The following AGAP5 variants were observed in gnomAD, a reference collection of about 807,000 sequenced individuals.
The protein encoded by AGAP5 is ArfGAP with GTPase domain, ankyrin repeat and PH domain 5, also known as arf-GAP with GTPase, ANK repeat and PH domain-containing protein 5.
AGAP5 carries 8 observed loss-of-function variants against 27.7 expected under a neutral mutation model. The observed-to-expected ratio is 0.29, with a 90% CI of 0.17 to 0.52. The LOEUF is 0.52. Among genes scored for constraint, AGAP5 ranks in the 20% least tolerant of loss-of-function variants. The probability of loss-of-function intolerance (pLI) is 0.97; values close to 1 mark genes in which losing one functional copy is unlikely to be tolerated. For synonymous variants in AGAP5, 111 were observed against 338.0 expected (o/e 0.33, Z 7.37); for missense variants, 285 against 880.8 (o/e 0.32, Z 8.56).
At chr10:73,686,270 A>C (rs2082062920) in intron 4 of AGAP5, among the ~76,000 whole-genome samples, 1 of 152,234 alleles carries the variant, frequency 6.6e-6, no homozygotes, top group African/African-American at 2.4e-5. Context: ...TAGCCAACTG[A>C]TTTTCAACAA....
At chr10:73,692,633 ATTTTTTTTTTT>A (rs71021562) in intron 3 of AGAP5, among the ~76,000 whole-genome samples, 109 of 77,010 alleles carry the variant, frequency 1.4e-3, no homozygotes, top group African/African-American at 4.8e-3. Flanking sequence ...CCTATCTTAA[ATTTTTTTTTTT>A]TTTTTTTTTT....
At chr10:73,688,630 G>A (rs2082084239) in intron 4 of AGAP5, among the ~76,000 whole-genome samples, 1 of 151,660 alleles carries the variant, frequency 6.6e-6, no homozygotes, top group Non-Finnish European at 1.5e-5. Flanking sequence ...AAAATAGAAG[G>A]GGAAAAATTA....
intron 4 of AGAP5, among the ~76,000 whole-genome samples, chr10:73,688,562 A>G (rs2082083542): frequency 6.6e-6 from 1 of 152,136 alleles, no homozygotes; most frequent in African/African-American, 2.4e-5. Flanking sequence ...TTCAATAGAA[A>G]TAGTAGAGGA....
At chr10:73,696,581 TTAAAG>T (rs1359516201) in intron 2 of AGAP5, among the ~76,000 whole-genome samples, 1 of 152,214 alleles carries the variant, frequency 6.6e-6, no homozygotes, top group Non-Finnish European at 1.5e-5. Context: ...ACATTTTCTG[TTAAAG>T]TAAGAATTTT....
Position 73,675,235 on chromosome 10 carries a change from C to A in AGAP5, c.1425G>T (p.Gly475=). The A allele has an allele frequency of 6.2e-7, 1 of 1,601,924 alleles. No homozygotes were observed. Among genetic ancestry groups the A allele is most frequent in the South Asian group, 1.1e-5 (1 of 90,820 alleles). Residue 475 remains glycine (G), a synonymous_variant, in exon 8 of 8, where the codon GGG becomes GGT. Coordinates refer to ENST00000374094, the MANE Select transcript of AGAP5 (RefSeq NM_001144000.4). ...MALQSIQNMR[G]NAHCVDYETQ... is the part of the protein sequence containing the mutation. ...TCTCATAGTCCACACAGTGGGCGTTCCCACGCATGTTTTGGATCGACTGCA... is the reference window on the plus strand; with the variant it reads ...TCTCATAGTCCACACAGTGGGCGTTACCACGCATGTTTTGGATCGACTGCA...
rs779098065 is a variant in AGAP5 at position 73,674,962 on chromosome 10, C to A, written c.1698G>T (p.Trp566Cys). 1 of 1,613,068 alleles carries A rather than the reference C, an allele frequency of 6.2e-7. No homozygotes were observed. Among genetic ancestry groups the A allele is most frequent in the Non-Finnish European group, 8.5e-7 (1 of 1,179,950 alleles). Residue 566 changes from tryptophan to cysteine, a missense_variant, in exon 8 of 8, where the codon TGG becomes TGT. Trp to Cys is a radical substitution (Grantham distance 215). Transcript: ENST00000374094. ...GCTTCTCCTCATATTTGGAACGGAT[C>A]CACCGTTCCTTCTCTTCCCTCGTGG... ...VKSTREEKER[W>C]IRSKYEEKLF...
chr10:73,674,749 C>T lies in AGAP5; in HGVS notation c.1911G>A (p.Val637=). Residue 637 remains valine, a synonymous_variant, in exon 8 of 8, where the codon GTG becomes GTA. Coordinates refer to ENST00000374094, the MANE Select transcript of AGAP5 (RefSeq NM_001144000.4). ...ALHLACRKGN[V]VLAQLLIWYG... ...ACCAGATCAGGAGCTGTGCCAGGACCACATTCCCCTTGCGGCAGGCCAGAT... is the reference window on the plus strand; with the variant it reads ...ACCAGATCAGGAGCTGTGCCAGGACTACATTCCCCTTGCGGCAGGCCAGAT... The T allele has an allele frequency of 1.2e-6, 2 of 1,612,080 alleles. No individual in the cohort carries two copies. The highest frequency in any genetic ancestry group is 2.2e-5 in the East Asian group (1 of 44,884).
At chr10:73,692,185 T>C (rs1589476685) in intron 3 of AGAP5, 108 bp from the exon 4 acceptor site, 1 of 353,154 alleles carries the variant, frequency 2.8e-6, no homozygotes, top group Non-Finnish European at 5.1e-6. Flanking sequence ...CAAAATTCCA[T>C]TTAAAAAAAT....
intron 2 of AGAP5, among the ~76,000 whole-genome samples, chr10:73,695,982 C>G (rs2082158166): frequency 1.3e-5 from 2 of 152,186 alleles, no homozygotes; most frequent in South Asian, 2.1e-4. Context: ...CCTCTGCCAG[C>G]AGTGTAGAGA....
chr10:73,675,242 A>G lies in AGAP5; in HGVS notation c.1418T>C (p.Met473Thr), dbSNP rs1483371505. ...EAMALQSIQN[M>T]RGNAHCVDYE... ...GTCCACACAGTGGGCGTTCCCACGC[A>G]TGTTTTGGATCGACTGCAGGGCCAT... Residue 473 changes from methionine (M) to threonine (T), a missense_variant, in exon 8 of 8, where the codon ATG (methionine) becomes ACG (threonine). Transcript: ENST00000374094. 1.2e-6 allele frequency: 2 copies of G among 1,605,798 alleles called. No individual in the cohort carries two copies. The highest frequency in any genetic ancestry group is 1.1e-5 in the South Asian group (1 of 90,890).
At chr10:73,697,416 G>T (rs1235824130) in intron 1 of AGAP5, 117 bp downstream of exon 1, 1 of 1,589,408 alleles carries the variant, frequency 6.3e-7, no homozygotes, top group Non-Finnish European at 8.5e-7. Flanking sequence ...GCCAGCCCCC[G>T]GGAAAGCTGG....
In AGAP5 at chr10:73,697,828, G is replaced by A; in HGVS notation, c.-73C>T. On this transcript the variant is annotated 5_prime_UTR_variant, in exon 1 of 8. Coordinates refer to ENST00000374094, the MANE Select transcript of AGAP5 (RefSeq NM_001144000.4). ...TGGCCACACACTCCCACTGTCCTAG[G>A]CCGAGGCTATGCTGCACTTGCAGAG... 1 of 1,584,366 alleles carries A rather than the reference G, an allele frequency of 6.3e-7. No homozygotes were observed. Among genetic ancestry groups the A allele is most frequent in the East Asian group, 2.2e-5 (1 of 44,682 alleles).
At chr10:73,689,522 C>T (rs1261519182) in intron 4 of AGAP5, among the ~76,000 whole-genome samples, 1 of 151,576 alleles carries the variant, frequency 6.6e-6, no homozygotes, top group Non-Finnish European at 1.5e-5. Flanking sequence ...TGCCCGGCCG[C>T]CATCCCAACT....
In AGAP5 at chr10:73,674,383, G is replaced by A. The variant is rs1205071566; in HGVS notation, c.*216C>T. ...TGTGTGACTTGGGCAATGTGGCCAG[G>A]AGGGCCTGAGACTAACACATCCACC... On this transcript the variant is annotated 3_prime_UTR_variant, in exon 8 of 8. Transcript: ENST00000374094. The A allele has an allele frequency of 1.7e-5, 11 of 632,096 alleles. No homozygotes were observed. The highest frequency in any genetic ancestry group is 3.1e-5 in the Non-Finnish European group (11 of 354,854). The allele number at this position is 632,096 out of a possible 1,614,324, so 39.2% of individuals were successfully genotyped here. A position where few individuals can be genotyped will look rare whatever the true frequency, so the allele number is the denominator to read the frequency against.
rs540439506 is a variant in AGAP5 at position 73,697,928 on chromosome 10, C to T, written c.-173G>A. The T allele has an allele frequency of 3.2e-3, 4,831 of 1,527,400 alleles. 10 individuals are homozygous for T. The highest frequency in any genetic ancestry group is 3.8e-3 in the Non-Finnish European group (4,346 of 1,142,292). 94.6% of individuals were successfully genotyped at this position (1,527,400 alleles called of 1,614,324 possible). A position where few individuals can be genotyped will look rare whatever the true frequency, so the allele number is the denominator to read the frequency against. ...CCATCCCTGGCCCCGGCCCCGGCCC[C>T]GGCTAGGGCTGCGGGTCAAGGCCCA... On this transcript the variant is annotated 5_prime_UTR_variant, in exon 1 of 8. Coordinates refer to ENST00000374094, the MANE Select transcript of AGAP5 (RefSeq NM_001144000.4).
At position 73,681,342 on chromosome 10, in the gene AGAP5, C is replaced by T. The variant is rs2082022991; in HGVS notation, c.498-1236G>A. 4 of 985,186 alleles carry T rather than the reference C, an allele frequency of 4.1e-6. No individual in the cohort carries two copies. In the South Asian group the frequency reaches 1.4e-4, roughly 35 times the overall value. 61.0% of individuals were successfully genotyped at this position (985,186 alleles called of 1,614,324 possible). On this transcript the variant is annotated intron_variant, in intron 5 of 7. Coordinates refer to ENST00000374094, the MANE Select transcript of AGAP5 (RefSeq NM_001144000.4). ...ATTTTCCTAAAAGGCTTCTCAGTGC[C>T]TACAGATAGAGGGAAAGTGGAGATG... is the stretch of plus-strand genomic sequence containing the variant.
At chr10:73,695,244 A>C (rs1419882801) in intron 2 of AGAP5, among the ~76,000 whole-genome samples, 1 of 152,188 alleles carries the variant, frequency 6.6e-6, no homozygotes, top group East Asian at 1.9e-4. Context: ...TAAATTCATC[A>C]TATCTGTCAC....
Position 73,674,675 on chromosome 10 carries a change from G to T in AGAP5, c.1985C>A (p.Thr662Asn), listed in dbSNP as rs551514358. ...ARDAHGNTALTYARQASSQEC... is the reference protein window; with the variant it reads ...ARDAHGNTALNYARQASSQEC... Reference sequence around the variant, plus strand: ...CTGGCTGGAGGCCTGCCGGGCGTAGGTCAGCGCTGTGTTCCCGTGGGCATC... The same window carrying T: ...CTGGCTGGAGGCCTGCCGGGCGTAGTTCAGCGCTGTGTTCCCGTGGGCATC... The change falls in exon 8 of 8, where the codon ACC becomes AAC. Residue 662 changes from threonine (T) to asparagine (N), a missense_variant. Transcript: ENST00000374094. 4.1e-5 allele frequency: 66 copies of T among 1,611,962 alleles called. No homozygotes were observed. The East Asian group carries it at 1.3e-3, about 33-fold the overall frequency.
chr10:73,679,144 C>A (rs1371506641), intron 6 of AGAP5, among the ~76,000 whole-genome samples: 1 of 145,826 alleles, frequency 6.9e-6, no homozygotes, highest in African/African-American at 2.5e-5. Flanking sequence ...TGAACCACTG[C>A]GCCCCACCAG....
Sources: allele counts gnomAD v4.1 joint callset (sites outside exome capture counted in the v4.1 genomes callset), GRCh38; gene constraint gnomAD v4.1.1; transcripts MANE v1.5; gene names NCBI Gene and HGNC (gene_info 2026-07-23, HGNC 2026-07-21).